Variants in VGLL4 observed in about 807,000 individuals in gnomAD.
VGLL4 encodes the protein vestigial like family member 4, also known as transcription cofactor vestigial-like protein 4.
A neutral mutation model predicts 21.0 loss-of-function variants in VGLL4; 7 were observed. The observed-to-expected ratio is 0.33, with a 90% CI of 0.19 to 0.63. VGLL4 has a LOEUF of 0.63. VGLL4 is among the 20% of genes least tolerant of loss of function. The pLI, the probability that VGLL4 is intolerant of heterozygous loss-of-function variation, is 0.78. For synonymous variants in VGLL4, 222 were observed against 173.2 expected (o/e 1.28, Z -2.21); for missense variants, 394 against 425.7 (o/e 0.93, Z 0.66).
chr3:11,609,068 A>G (rs1405430877), intron 1 of VGLL4, among the ~76,000 whole-genome samples: 1 of 152,128 alleles, frequency 6.6e-6, no homozygotes, highest in Non-Finnish European at 1.5e-5. Flanking sequence ...GGGTTTTACC[A>G]TGTTGGCCAG....
Position 11,686,141 on chromosome 3 carries a change from A to T in VGLL4, c.64+16830T>A, listed in dbSNP as rs185980954. On this transcript the variant is annotated intron_variant, in intron 2 of 5. Transcript: ENST00000273038. ...TAGGGCAGTTCCTCAAAAAATTTTTAAAAAATTTCCATATGATCCAGCAGC... is the reference window on the plus strand; with the variant it reads ...TAGGGCAGTTCCTCAAAAAATTTTTTAAAAATTTCCATATGATCCAGCAGC... Among the ~76,000 whole-genome samples, 133 of 152,324 alleles carry T rather than the reference A, an allele frequency of 8.7e-4. 1 individual carries two copies. The highest frequency in any genetic ancestry group is 2.6e-3 in the African/African-American group (107 of 41,564).
intron 2 of VGLL4, among the ~76,000 whole-genome samples, chr3:11,597,897 A>G (rs1327490055): frequency 6.6e-6 from 1 of 152,240 alleles, no homozygotes; most frequent in Non-Finnish European, 1.5e-5. Context: ...CAAATACACC[A>G]GGTCCTAAGA....
chr3:11,572,247 G>T (rs1348473629), intron 2 of VGLL4, among the ~76,000 whole-genome samples: 2 of 152,148 alleles, frequency 1.3e-5, no homozygotes, highest in East Asian at 1.9e-4. Context: ...TGCAAAATAA[G>T]CATCATCTCC....
intron 1 of VGLL4, among the ~76,000 whole-genome samples, chr3:11,609,439 A>T (rs28649408): frequency 0.45 from 68,265 of 152,116 alleles, 18,461 homozygotes; most frequent in African/African-American, 0.75. Flanking sequence ...GATTTCATTA[A>T]AAAACAAGGA....
rs2072429442 is a variant in VGLL4, at chr3:11,556,537, A to C, written c.*2019T>G. Reference sequence around the variant, plus strand: ...TAGCAATAACAAACTCGTGGCTATGAATGCAGATGCAGTGTTCTCATAGAA... The same window carrying C: ...TAGCAATAACAAACTCGTGGCTATGCATGCAGATGCAGTGTTCTCATAGAA... On this transcript the variant is annotated 3_prime_UTR_variant, in exon 5 of 5. Coordinates refer to ENST00000430365, the MANE Select transcript of VGLL4 (RefSeq NM_001128219.3). The C allele has an allele frequency of 6.5e-6, 1 of 152,720 alleles. No homozygotes were observed. Among genetic ancestry groups the C allele is most frequent in the Non-Finnish European group, 1.5e-5 (1 of 68,022 alleles). The allele number at this position is 152,720 out of a possible 1,614,324, so 9.5% of individuals were successfully genotyped here.
At chr3:11,662,936 T>C (rs2076057679) in intron 2 of VGLL4, among the ~76,000 whole-genome samples, 1 of 152,234 alleles carries the variant, frequency 6.6e-6, no homozygotes, top group Non-Finnish European at 1.5e-5. Context: ...TTTTCTTTTT[T>C]TAAAAAACAC....
rs2076735003 is a variant in VGLL4 at position 11,704,696 on chromosome 3, G to GT, written c.-13-1650dup. ...CCTGGAGTAAACCAAGCTAAGCAGC[G>GT]TATTTTCCTCCCCGTGCCTTTAATC... On this transcript the variant is annotated intron_variant, in intron 1 of 5. Transcript: ENST00000273038. Among the ~76,000 whole-genome samples, 9 of 152,302 alleles carry GT rather than the reference G, an allele frequency of 5.9e-5. No individual in the cohort carries two copies. In the South Asian group the frequency reaches 1.9e-3, roughly 32 times the overall value.
chr3:11,563,049 C>T (rs1033336459), intron 3 of VGLL4, among the ~76,000 whole-genome samples: 4 of 152,186 alleles, frequency 2.6e-5, no homozygotes, highest in Admixed American at 2.6e-4. Context: ...CAACTGTGAC[C>T]GAAAACCAAC....
At chr3:11,707,023 G>A (rs1368747501) in intron 1 of VGLL4, among the ~76,000 whole-genome samples, 1 of 152,084 alleles carries the variant, frequency 6.6e-6, no homozygotes, top group African/African-American at 2.4e-5. Context: ...TTTTAGTTTA[G>A]AAGTTCCATG....
Position 11,653,151 on chromosome 3 carries a change from C to A in VGLL4, c.64+49820G>T, listed in dbSNP as rs944759415. 6.6e-5 allele frequency among the ~76,000 whole-genome samples: 10 copies of A among 152,206 alleles called. No homozygotes were observed. Among genetic ancestry groups the A allele is most frequent in the African/African-American group, 1.9e-4 (8 of 41,448 alleles). ...CATTTCACAGGTCAGTCTGCCTGCA[C>A]AGTGCTTCATTCATTATGCAGCACG... On this transcript the variant is annotated intron_variant, in intron 2 of 5. Coordinates refer to the VGLL4 transcript ENST00000273038. The surrounding 1 kb of genome is among the most constrained non-coding windows in gnomAD (Gnocchi z 4.2).
At chr3:11,570,804 T>C (rs2073744515) in intron 2 of VGLL4, among the ~76,000 whole-genome samples, 1 of 152,182 alleles carries the variant, frequency 6.6e-6, no homozygotes, top group Non-Finnish European at 1.5e-5. Flanking sequence ...TCCTCCCTGC[T>C]TCTAAATGTC....
At chr3:11,700,265 C>T (rs1042809708) in intron 2 of VGLL4, among the ~76,000 whole-genome samples, 10 of 152,192 alleles carry the variant, frequency 6.6e-5, no homozygotes, top group Admixed American at 2.6e-4. Flanking sequence ...CTTAAAGACA[C>T]AAAAGGTTAC....
At chr3:11,630,819 T>C (rs960888446) in intron 1 of VGLL4, among the ~76,000 whole-genome samples, 5 of 152,098 alleles carry the variant, frequency 3.3e-5, no homozygotes, top group African/African-American at 1.2e-4. Context: ...CCAAAAGAAA[T>C]GACCACATAT....
At chr3:11,560,815 C>T (rs1288252370) in intron 3 of VGLL4, among the ~76,000 whole-genome samples, 1 of 152,122 alleles carries the variant, frequency 6.6e-6, no homozygotes, top group Admixed American at 6.6e-5. Flanking sequence ...CAGGTGGCAG[C>T]GCAGAGAGAA....
intron 2 of VGLL4, among the ~76,000 whole-genome samples, chr3:11,593,941 T>G (rs1240332499): frequency 6.6e-6 from 1 of 152,174 alleles, no homozygotes; most frequent in African/African-American, 2.4e-5. Context: ...ATGGCTTTGA[T>G]CCCAGTGTGA....
chr3:11,639,916 GC>G (rs1559917398), intron 1 of VGLL4, among the ~76,000 whole-genome samples: 1 of 151,996 alleles, frequency 6.6e-6, no homozygotes, highest in African/African-American at 2.4e-5. Context: ...TGGAGAGGCA[GC>G]ACGGCATAGA....
rs561460116 is a variant in VGLL4 at position 11,676,253 on chromosome 3, G to C, written c.64+26718C>G. The stretch of plus-strand genomic sequence containing the variant: ...ATACAAAAAATTAGCCGGGTGTGGT[G>C]GTGGGTGCCTGTAGTCCCAGCTACT... On this transcript the variant is annotated intron_variant, in intron 2 of 5. Coordinates refer to the VGLL4 transcript ENST00000273038. Among the ~76,000 whole-genome samples, 3 of 152,132 alleles carry C rather than the reference G, an allele frequency of 2.0e-5. No homozygotes were observed. The East Asian group carries it at 5.8e-4, about 29-fold the overall frequency.
At chr3:11,676,406 A>AAAAT (rs1303757437) in intron 2 of VGLL4, among the ~76,000 whole-genome samples, 1 of 33,538 alleles carries the variant, frequency 3.0e-5, no homozygotes, top group African/African-American at 7.2e-5. Flanking sequence ...AAAAAAAAAA[A>AAAAT]AAAATAAAAT....
chr3:11,650,236 A>C (rs2125341115), intron 2 of VGLL4, among the ~76,000 whole-genome samples: 1 of 152,246 alleles, frequency 6.6e-6, no homozygotes, highest in African/African-American at 2.4e-5. Context: ...CGCCTGGCCC[A>C]ATAAGTGCTT....
Sources: allele counts gnomAD v4.1 joint callset (sites outside exome capture counted in the v4.1 genomes callset), GRCh38; gene constraint gnomAD v4.1.1; non-coding constraint Gnocchi (gnomAD v3.1); transcripts MANE v1.5; gene names NCBI Gene and HGNC (gene_info 2026-07-23, HGNC 2026-07-21).